The following PALM2AKAP2 variants were observed in gnomAD, a reference collection of about 807,000 sequenced individuals.
PALM2AKAP2 encodes PALM2 and AKAP2 fusion.
In PALM2AKAP2, 37 loss-of-function variants were observed where a neutral mutation model predicts 71.5. That is an observed-to-expected ratio of 0.52 (90% CI 0.40 to 0.68). The LOEUF is 0.68. PALM2AKAP2 is among the 30% of genes least tolerant of loss of function. The pLI is 0.00. For missense variants in PALM2AKAP2, 1,224 were observed against 1,191.8 expected (o/e 1.03, Z -0.40); for synonymous variants, 468 against 478.8 (o/e 0.98, Z 0.29).
chr9:110,030,118 G>A (rs955688129), intron 7 of PALM2AKAP2, among the ~76,000 whole-genome samples: 7 of 152,210 alleles, frequency 4.6e-5, no homozygotes, highest in Non-Finnish European at 7.3e-5. Flanking sequence ...AATGTGCAAA[G>A]AGAGAAAATT....
chr9:109,927,229 A>G (rs1034029007), intron 5 of PALM2AKAP2, among the ~76,000 whole-genome samples: 7 of 152,196 alleles, frequency 4.6e-5, no homozygotes, highest in African/African-American at 1.7e-4. Context: ...GCGGGAACAC[A>G]TACATCCCAG....
intron 3 of PALM2AKAP2, among the ~76,000 whole-genome samples, chr9:109,915,034 A>G (rs1457443308): frequency 6.6e-6 from 1 of 152,060 alleles, no homozygotes; most frequent in African/African-American, 2.4e-5. Context: ...ACCTCTTTGT[A>G]TCTGTACTCC....
At chr9:109,812,778 C>A (rs2131449687) in intron 1 of PALM2AKAP2, among the ~76,000 whole-genome samples, 1 of 152,218 alleles carries the variant, frequency 6.6e-6, no homozygotes, top group Admixed American at 6.5e-5. Context: ...TGAGACTGTA[C>A]CAGGCCATTA....
chr9:110,119,341 C>CAAAAAAAAAAA (rs200861093), intron 1 of PALM2AKAP2, among the ~76,000 whole-genome samples: 1 of 88,918 alleles, frequency 1.1e-5, no homozygotes, highest in Non-Finnish European at 2.4e-5. Flanking sequence ...GACTCCATCT[C>CAAAAAAAAAAA]AAAAAAAAAA....
intron 1 of PALM2AKAP2, among the ~76,000 whole-genome samples, chr9:109,680,404 G>A (rs1827711151): frequency 6.6e-6 from 1 of 152,156 alleles, no homozygotes; most frequent in Non-Finnish European, 1.5e-5. Context: ...GTAACCCAAA[G>A]CTCAGCTCTG....
At chr9:109,696,872 A>G (rs1392719846) in intron 1 of PALM2AKAP2, among the ~76,000 whole-genome samples, 5 of 152,192 alleles carry the variant, frequency 3.3e-5, no homozygotes, top group Non-Finnish European at 7.3e-5. Context: ...GGCAATATAC[A>G]AAGCCAATAT....
At chr9:110,142,664 G>T (rs1836062737) in intron 2 of PALM2AKAP2, among the ~76,000 whole-genome samples, 1 of 152,218 alleles carries the variant, frequency 6.6e-6, no homozygotes, top group Non-Finnish European at 1.5e-5. Flanking sequence ...AAGGGGTAAA[G>T]TTGGGCTCAG....
At chr9:110,011,129 T>C (rs577473543) in intron 6 of PALM2AKAP2, among the ~76,000 whole-genome samples, 50 of 146,232 alleles carry the variant, frequency 3.4e-4, no homozygotes, top group African/African-American at 1.2e-3. Context: ...GTCTAGAATA[T>C]ATAAATGTAT....
chr9:110,048,967 G>C (rs1833656444), intron 1 of PALM2AKAP2: 1 of 1,340,194 alleles, frequency 7.5e-7, no homozygotes, highest in East Asian at 2.9e-5. Context: ...GTCCTCGGAA[G>C]CACCGCGGGC....
At chr9:109,942,747 C>T in intron 6 of PALM2AKAP2, 11 of 1,613,136 alleles carry the variant, frequency 6.8e-6, no homozygotes, top group South Asian at 1.1e-5. Context: ...CCAAGATTCT[C>T]TCTACATCTA....
intron 3 of PALM2AKAP2, among the ~76,000 whole-genome samples, chr9:109,908,257 A>C (rs530277870): frequency 6.6e-6 from 1 of 152,348 alleles, no homozygotes; most frequent in South Asian, 2.1e-4. Flanking sequence ...TCCTTAAACC[A>C]CAGCAGCTCC....
chr9:109,989,199 C>T (rs1832432237), intron 6 of PALM2AKAP2, among the ~76,000 whole-genome samples: 1 of 152,178 alleles, frequency 6.6e-6, no homozygotes, highest in Non-Finnish European at 1.5e-5. Context: ...AAGGACACCC[C>T]ATTTAACAAA....
chr9:109,659,196 A>T (rs1165476933), intron 1 of PALM2AKAP2, among the ~76,000 whole-genome samples: 1 of 152,352 alleles, frequency 6.6e-6, no homozygotes, highest in Admixed American at 6.5e-5. Flanking sequence ...AACCAAACTA[A>T]GCAGAATTTT....
At chr9:110,053,510 G>C (rs1241473264) in intron 1 of PALM2AKAP2, among the ~76,000 whole-genome samples, 1 of 105,228 alleles carries the variant, frequency 9.5e-6, no homozygotes. Context: ...CCTGGTGACA[G>C]AGCAAGAACT....
intron 1 of PALM2AKAP2, among the ~76,000 whole-genome samples, chr9:109,752,117 A>G (rs1167365230): frequency 1.3e-5 from 2 of 152,054 alleles, no homozygotes; most frequent in Non-Finnish European, 2.9e-5. Flanking sequence ...GCTGTAGTGC[A>G]TATCTCTTGG....
chr9:109,853,052 G>C (rs2769149), intron 1 of PALM2AKAP2, among the ~76,000 whole-genome samples: 118,880 of 152,044 alleles, frequency 0.78, 46,844 homozygotes, highest in East Asian at 0.92. Context: ...GTTGCCAGAC[G>C]GACAGCTTTG....
chr9:110,109,340 G>GAAAA (rs1835188919), intron 1 of PALM2AKAP2, among the ~76,000 whole-genome samples: 4 of 105,112 alleles, frequency 3.8e-5, no homozygotes, highest in Admixed American at 1.9e-4. Flanking sequence ...AAAAAAACCA[G>GAAAA]AAAGAAAGAA....
intron 1 of PALM2AKAP2, among the ~76,000 whole-genome samples, chr9:109,810,634 G>C (rs1827704295): frequency 6.6e-6 from 1 of 152,100 alleles, no homozygotes; most frequent in African/African-American, 2.4e-5. Flanking sequence ...AAGGAGTTTT[G>C]CTGTAAAGAG....
At chr9:109,866,766 G>A (rs905282220) in intron 1 of PALM2AKAP2, among the ~76,000 whole-genome samples, 4 of 152,114 alleles carry the variant, frequency 2.6e-5, no homozygotes, top group African/African-American at 7.2e-5. Flanking sequence ...CTTTATGTAC[G>A]AGAAGACCAA....
Sources: allele counts gnomAD v4.1 joint callset (sites outside exome capture counted in the v4.1 genomes callset), GRCh38; gene constraint gnomAD v4.1.1; transcripts MANE v1.5; gene names NCBI Gene and HGNC (gene_info 2026-07-23, HGNC 2026-07-21).